The following FTO variants were observed in gnomAD, a reference collection of about 807,000 sequenced individuals.
FTO encodes alpha-ketoglutarate-dependent dioxygenase FTO.
A neutral mutation model predicts 63.9 loss-of-function variants in FTO; 47 were observed. The ratio of observed to expected loss-of-function variants is 0.74; its 90% CI spans 0.58 to 0.94. The LOEUF is 0.94. FTO is among the 40% of genes least tolerant of loss of function. The pLI is 0.00. For synonymous variants in FTO, 207 were observed against 224.4 expected (o/e 0.92, Z 0.69); for missense variants, 562 against 618.1 (o/e 0.91, Z 0.96).
intron 8 of FTO, among the ~76,000 whole-genome samples, chr16:54,022,256 T>A (rs1270467961): frequency 6.6e-6 from 1 of 152,202 alleles, no homozygotes; most frequent in Non-Finnish European, 1.5e-5. Context: ...TCGTAGTCCA[T>A]ATGGAGCAAA....
chr16:53,975,464 G>A (rs1406799498), intron 8 of FTO, among the ~76,000 whole-genome samples: 3 of 151,948 alleles, frequency 2.0e-5, no homozygotes, highest in African/African-American at 4.8e-5. Flanking sequence ...GTGGACTTGT[G>A]TGGAAAGAAG....
At chr16:53,969,816 T>C (rs895899358) in intron 8 of FTO, among the ~76,000 whole-genome samples, 3 of 152,210 alleles carry the variant, frequency 2.0e-5, no homozygotes, top group African/African-American at 7.2e-5. Context: ...GCTCTATCTC[T>C]GTCTCAGGAA....
chr16:54,009,455 CTGAG>C (rs1156632950), intron 8 of FTO, among the ~76,000 whole-genome samples: 8 of 152,096 alleles, frequency 5.3e-5, no homozygotes, highest in African/African-American at 1.7e-4. Context: ...TCTTGGCAAA[CTGAG>C]AGATAGGAGC....
chr16:54,109,949 G>A (rs2086843680), intron 8 of FTO, among the ~76,000 whole-genome samples: 1 of 152,050 alleles, frequency 6.6e-6, no homozygotes, highest in South Asian at 2.1e-4. Flanking sequence ...GCTCAATTTG[G>A]AATAACTTTC....
chr16:54,013,201 G>A (rs1375780295), intron 8 of FTO, among the ~76,000 whole-genome samples: 2 of 152,138 alleles, frequency 1.3e-5, no homozygotes, highest in African/African-American at 4.8e-5. Flanking sequence ...TGACTTTGAG[G>A]GGCTTAAGAC....
At chr16:53,979,029 T>C (rs2083485436) in intron 8 of FTO, among the ~76,000 whole-genome samples, 1 of 152,108 alleles carries the variant, frequency 6.6e-6, no homozygotes, top group Non-Finnish European at 1.5e-5. Context: ...CCCATAATCC[T>C]ACCACCCAGA....
rs57334871 is a variant in FTO at position 53,979,535 on chromosome 16, CTGTGTGTG to C, written c.1364+45451_1364+45458del. 6.5e-3 allele frequency: 2,414 copies of C among 372,158 alleles called. 34 individuals carry two copies. The highest frequency in any genetic ancestry group is 0.039 in the African/African-American group (1,827 of 46,808). 23.1% of individuals were successfully genotyped at this position (372,158 alleles called of 1,614,324 possible). A position where few individuals can be genotyped will look rare whatever the true frequency, so the allele number is the denominator to read the frequency against. On this transcript the variant is annotated intron_variant, in intron 8 of 8. Coordinates refer to ENST00000471389, the MANE Select transcript of FTO (RefSeq NM_001080432.3). ...GATTGGATCTTTTTTATGTTTATGG[CTGTGTGTG>C]TGTGTGTGTGTGTGTGTGTGTGTGC...
At chr16:53,825,130 G>A (rs2078970161) in intron 2 of FTO, among the ~76,000 whole-genome samples, 1 of 152,036 alleles carries the variant, frequency 6.6e-6, no homozygotes, top group Non-Finnish European at 1.5e-5. Flanking sequence ...GTAAATTCTG[G>A]GCACTCATAT....
At chr16:54,053,393 T>C (rs527857144) in intron 8 of FTO, among the ~76,000 whole-genome samples, 8 of 152,272 alleles carry the variant, frequency 5.3e-5, no homozygotes, top group Non-Finnish European at 1.2e-4. Context: ...CCCCTCCCTC[T>C]TTCAGTTTCC....
At chr16:53,899,316 G>C (rs752093705) in intron 7 of FTO, among the ~76,000 whole-genome samples, 19 of 151,632 alleles carry the variant, frequency 1.3e-4, no homozygotes, top group Non-Finnish European at 2.5e-4. Context: ...ATAGTGTTTT[G>C]TCTTATTTGT....
chr16:53,967,138 TC>T (rs2083214345), intron 8 of FTO, among the ~76,000 whole-genome samples: 1 of 152,144 alleles, frequency 6.6e-6, no homozygotes, highest in African/African-American at 2.4e-5. Context: ...CTTTTTATTT[TC>T]CCCTTTTTTT....
At chr16:53,738,557 G>T (rs2151531639) in intron 1 of FTO, among the ~76,000 whole-genome samples, 1 of 152,230 alleles carries the variant, frequency 6.6e-6, no homozygotes, top group South Asian at 2.1e-4. Context: ...ATAAACATTT[G>T]TAAGGAGGTT....
chr16:53,738,294 T>C (rs999655945), intron 1 of FTO, among the ~76,000 whole-genome samples: 1 of 152,160 alleles, frequency 6.6e-6, no homozygotes, highest in African/African-American at 2.4e-5. Flanking sequence ...AGTGTTGGGA[T>C]TACAGACATG....
chr16:53,741,048 G>A (rs74018197), intron 1 of FTO, among the ~76,000 whole-genome samples: 3,270 of 152,248 alleles, frequency 0.021, 49 homozygotes, highest in Middle Eastern at 0.088. Flanking sequence ...AAACATTAAA[G>A]TAACAGTAAC....
intron 7 of FTO, among the ~76,000 whole-genome samples, chr16:53,896,187 C>G (rs973785723): frequency 1.3e-5 from 2 of 152,138 alleles, no homozygotes; most frequent in Non-Finnish European, 2.9e-5. Flanking sequence ...ATTGCTTTGA[C>G]TAGCAGACTA....
intron 2 of FTO, among the ~76,000 whole-genome samples, chr16:53,823,755 G>C (rs1233026414): frequency 6.6e-6 from 1 of 152,028 alleles, no homozygotes; most frequent in African/African-American, 2.4e-5. Context: ...GTGTGGTGGC[G>C]CATGCCTGTA....
At chr16:54,055,111 G>A (rs1292231028) in intron 8 of FTO, among the ~76,000 whole-genome samples, 5 of 152,166 alleles carry the variant, frequency 3.3e-5, no homozygotes, top group East Asian at 3.8e-4. Context: ...TCATACCAGC[G>A]AACTAGGATT....
intron 1 of FTO, among the ~76,000 whole-genome samples, chr16:53,768,511 G>A (rs189429760): frequency 1.5e-4 from 23 of 152,236 alleles, no homozygotes; most frequent in Non-Finnish European, 2.5e-4. Flanking sequence ...TTTCTTACCC[G>A]AGTAGAAGAT....
intron 1 of FTO, among the ~76,000 whole-genome samples, chr16:53,724,200 G>A (rs775544416): frequency 6.7e-4 from 102 of 152,310 alleles, no homozygotes; most frequent in Admixed American, 1.2e-3. Flanking sequence ...GAGTATTGGG[G>A]AGTTCACATA....
Sources: allele counts gnomAD v4.1 joint callset (sites outside exome capture counted in the v4.1 genomes callset), GRCh38; gene constraint gnomAD v4.1.1; transcripts MANE v1.5; gene names NCBI Gene and HGNC (gene_info 2026-07-23, HGNC 2026-07-21).